DPP10: variants seen among roughly 807,000 people sequenced by gnomAD.
DPP10 encodes the protein inactive dipeptidyl peptidase 10.
Under a neutral mutation model 120.9 loss-of-function variants are expected in DPP10, and 33 were observed. The observed-to-expected ratio is 0.27, with a 90% CI of 0.21 to 0.37. DPP10 has a LOEUF of 0.37. Ranked by LOEUF, DPP10 falls within the 10% of genes least tolerant of loss-of-function variation. The probability of loss-of-function intolerance (pLI) is 1.00; values close to 1 mark genes in which losing one functional copy is unlikely to be tolerated. For missense variants in DPP10, 816 were observed against 942.8 expected (o/e 0.87, Z 1.76); for synonymous variants, 337 against 326.1 (o/e 1.03, Z -0.36).
At chr2:114,589,590 C>T (rs1691289715) in intron 1 of DPP10, among the ~76,000 whole-genome samples, 1 of 152,158 alleles carries the variant, frequency 6.6e-6, no homozygotes, top group African/African-American at 2.4e-5. Flanking sequence ...ATAAGTGTGT[C>T]TGCTACAGAC....
intron 1 of DPP10, among the ~76,000 whole-genome samples, chr2:115,192,670 C>T (rs1466087645): frequency 2.0e-5 from 3 of 152,118 alleles, no homozygotes; most frequent in Admixed American, 1.3e-4. Context: ...ACCAGATAAG[C>T]TAAATTTCAC....
At chr2:115,526,472 G>C (rs993365575) in intron 5 of DPP10, 2 of 152,352 alleles carry the variant, frequency 1.3e-5, no homozygotes, top group Admixed American at 1.3e-4. Flanking sequence ...GGCAAGCCAA[G>C]CAATTAATTC....
At chr2:114,530,128 A>C (rs1224138649) in intron 1 of DPP10, among the ~76,000 whole-genome samples, 2 of 152,106 alleles carry the variant, frequency 1.3e-5, no homozygotes, top group Non-Finnish European at 2.9e-5. Flanking sequence ...TTCTATAGTT[A>C]ATATGTTCTC....
intron 5 of DPP10, among the ~76,000 whole-genome samples, chr2:115,654,416 A>G (rs1259980098): frequency 6.6e-6 from 1 of 151,928 alleles, no homozygotes; most frequent in Non-Finnish European, 1.5e-5. Context: ...GGTATTGAAT[A>G]AAACTAAGCA....
At chr2:115,251,533 A>C (rs2058751616) in intron 1 of DPP10, among the ~76,000 whole-genome samples, 2 of 152,182 alleles carry the variant, frequency 1.3e-5, no homozygotes, top group South Asian at 4.1e-4. Flanking sequence ...CCCTGTCTAT[A>C]GGACCTACGT....
intron 1 of DPP10, among the ~76,000 whole-genome samples, chr2:114,537,476 A>G (rs1686602820): frequency 6.6e-6 from 1 of 152,152 alleles, no homozygotes; most frequent in African/African-American, 2.4e-5. Flanking sequence ...TCACAGCCAC[A>G]CCACGTATCA....
At chr2:115,342,299 T>C in intron 2 of DPP10, 1 of 303,690 alleles carries the variant, frequency 3.3e-6, no homozygotes, top group Non-Finnish European at 6.5e-6. Context: ...CTCCGCCTCC[T>C]GTGTTCAAGC....
In DPP10 at chr2:115,457,678, T is replaced by C. The variant is rs1329408945; in HGVS notation, c.272-41832T>C. Among the ~76,000 whole-genome samples the C allele has an allele frequency of 2.3e-4, 22 of 95,140 alleles. 1 individual carries two copies. The highest frequency in any genetic ancestry group is 6.1e-3 in the Middle Eastern group (1 of 164). 62.4% of individuals were successfully genotyped at this position (95,140 alleles called of 152,430 possible). ...AATACCTATAATCAAAACGGCAACA[T>C]TGGCAAAATGCGGAGAGACTAGAAC... On this transcript the variant is annotated intron_variant, in intron 3 of 25. Coordinates refer to ENST00000410059, the MANE Select transcript of DPP10 (RefSeq NM_020868.6).
intron 1 of DPP10, among the ~76,000 whole-genome samples, chr2:114,810,525 T>C (rs1308789455): frequency 1.3e-5 from 2 of 152,200 alleles, no homozygotes; most frequent in African/African-American, 4.8e-5. Flanking sequence ...CAATAAGATA[T>C]TTTAATGCCA....
intron 2 of DPP10, among the ~76,000 whole-genome samples, chr2:115,310,751 G>A (rs902063388): frequency 6.6e-6 from 1 of 152,106 alleles, no homozygotes; most frequent in African/African-American, 2.4e-5. Flanking sequence ...TTTCAGCATG[G>A]TGTTTCACTT....
intron 21 of DPP10, among the ~76,000 whole-genome samples, chr2:115,827,985 AT>A (rs577384661): frequency 1.1e-4 from 16 of 151,986 alleles, no homozygotes; most frequent in Non-Finnish European, 1.2e-4. Context: ...AGTGTTCATC[AT>A]TTCTTTGTGT....
chr2:115,816,026 T>TA (rs1221170992), intron 21 of DPP10, among the ~76,000 whole-genome samples: 1 of 151,978 alleles, frequency 6.6e-6, no homozygotes, highest in Admixed American at 6.6e-5. Flanking sequence ...TATTATCCTT[T>TA]AAAAAATAAC....
At chr2:114,676,382 A>G (rs1698672202) in intron 1 of DPP10, among the ~76,000 whole-genome samples, 1 of 152,154 alleles carries the variant, frequency 6.6e-6, no homozygotes, top group African/African-American at 2.4e-5. Context: ...ACTTCTGTAT[A>G]TTAAAAACGA....
intron 1 of DPP10, among the ~76,000 whole-genome samples, chr2:114,697,786 C>T (rs1016553570): frequency 6.7e-6 from 1 of 150,120 alleles, no homozygotes; most frequent in Non-Finnish European, 1.5e-5. Context: ...AGAAGCACAT[C>T]AGTTATTATT....
At chr2:114,792,233 C>T (rs1683321232) in intron 1 of DPP10, among the ~76,000 whole-genome samples, 1 of 152,068 alleles carries the variant, frequency 6.6e-6, no homozygotes, top group Non-Finnish European at 1.5e-5. Flanking sequence ...GCATGGAGCA[C>T]CATTTGAACT....
At chr2:114,708,664 A>G (rs563751601) in intron 1 of DPP10, among the ~76,000 whole-genome samples, 1 of 152,342 alleles carries the variant, frequency 6.6e-6, no homozygotes, top group African/African-American at 2.4e-5. Flanking sequence ...AAGCAAGAAA[A>G]CAGAAAAGGA....
At chr2:114,722,468 A>G (rs2105910391) in intron 1 of DPP10, among the ~76,000 whole-genome samples, 1 of 152,188 alleles carries the variant, frequency 6.6e-6, no homozygotes, top group Non-Finnish European at 1.5e-5. Context: ...AACCATTAGA[A>G]AAACTCAGAT....
At chr2:115,461,646 A>G (rs1158753978) in intron 3 of DPP10, among the ~76,000 whole-genome samples, 1 of 152,198 alleles carries the variant, frequency 6.6e-6, no homozygotes, top group Non-Finnish European at 1.5e-5. Context: ...GTACACCATA[A>G]ATATATACAT....
chr2:115,792,020 A>G (rs1157906876), intron 19 of DPP10, among the ~76,000 whole-genome samples: 1 of 152,180 alleles, frequency 6.6e-6, no homozygotes, highest in Admixed American at 6.5e-5. Flanking sequence ...CTAAAATTAT[A>G]TCTTTAGATA....
Sources: allele counts gnomAD v4.1 joint callset (sites outside exome capture counted in the v4.1 genomes callset), GRCh38; gene constraint gnomAD v4.1.1; transcripts MANE v1.5; gene names NCBI Gene and HGNC (gene_info 2026-07-23, HGNC 2026-07-21).